NDST4: variants seen among roughly 807,000 people sequenced by gnomAD.
NDST4 encodes N-heparan sulfate sulfotransferase 4.
Under a neutral mutation model 100.8 loss-of-function variants are expected in NDST4, and 63 were observed. The observed-to-expected ratio is 0.62, with a 90% confidence interval of 0.51 to 0.77. The LOEUF (loss-of-function observed/expected upper bound fraction) is 0.77, where lower values mean the gene tolerates loss of function less well. Among genes scored for constraint, NDST4 ranks in the 30% least tolerant of loss-of-function variants. NDST4 has a pLI of 0.00. For missense variants in NDST4, 943 were observed against 1,018.4 expected (o/e 0.93, Z 1.01); for synonymous variants, 377 against 361.8 (o/e 1.04, Z -0.48).
intron 2 of NDST4, among the ~76,000 whole-genome samples, chr4:115,036,870 T>G (rs2126272282): frequency 6.6e-6 from 1 of 152,124 alleles, no homozygotes; most frequent in Non-Finnish European, 1.5e-5. Context: ...TCCTTCAAAC[T>G]TGTTTATTTT....
chr4:115,053,628 C>T lies in NDST4; in HGVS notation c.978+22431G>A, dbSNP rs139481078. On this transcript the variant is annotated intron_variant, in intron 2 of 13. Coordinates refer to ENST00000264363, the MANE Select transcript of NDST4 (RefSeq NM_022569.3). ...AAAACAATGCTCAAAGATATGACAACTTTCCTAGGAATGTAAAAATCTGTT... is the reference window on the plus strand; with the variant it reads ...AAAACAATGCTCAAAGATATGACAATTTTCCTAGGAATGTAAAAATCTGTT... Among the ~76,000 whole-genome samples the T allele has an allele frequency of 1.3e-3, 196 of 152,196 alleles. 1 individual carries two copies. Among genetic ancestry groups the T allele is most frequent in the African/African-American group, 4.4e-3 (184 of 41,524 alleles).
intron 4 of NDST4, among the ~76,000 whole-genome samples, chr4:114,959,250 C>T (rs996936951): frequency 1.3e-5 from 2 of 152,082 alleles, no homozygotes; most frequent in African/African-American, 4.8e-5. Context: ...CTGTTCCAAC[C>T]TCTGCCTGTT....
Position 115,016,379 on chromosome 4 carries a change from G to A in NDST4, c.979-39105C>T, listed in dbSNP as rs184957139. Among the ~76,000 whole-genome samples the A allele has an allele frequency of 5.0e-3, 759 of 152,172 alleles. 5 individuals carry two copies. Among genetic ancestry groups the A allele is most frequent in the Non-Finnish European group, 6.0e-3 (405 of 67,980 alleles). On this transcript the variant is annotated intron_variant, in intron 2 of 13. Transcript: ENST00000264363. ...TCATGGGTCCAGAAATCCAGAAGAG[G>A]AAGTAGGAATGACATCACTCAGTAT... is the stretch of plus-strand genomic sequence containing the variant.
At chr4:114,828,959 A>C (rs1723139105) in intron 13 of NDST4, among the ~76,000 whole-genome samples, 1 of 152,110 alleles carries the variant, frequency 6.6e-6, no homozygotes, top group Non-Finnish European at 1.5e-5. Context: ...CCAGATTGTA[A>C]ACACTTCACA....
intron 4 of NDST4, 96 bp from the exon 5 acceptor site, chr4:114,937,599 T>C: frequency 1.0e-6 from 1 of 959,516 alleles, no homozygotes; most frequent in Non-Finnish European, 1.5e-6. Context: ...CATTGAACTC[T>C]ATGCTAAATA....
At chr4:115,079,148 G>T (rs571872033) in intron 1 of NDST4, among the ~76,000 whole-genome samples, 11 of 151,948 alleles carry the variant, frequency 7.2e-5, no homozygotes, top group African/African-American at 2.7e-4. Context: ...TCATGAGATC[G>T]ATACCATCCT....
chr4:114,845,240 G>A (rs1399675244), intron 10 of NDST4, among the ~76,000 whole-genome samples: 3 of 152,148 alleles, frequency 2.0e-5, no homozygotes, highest in African/African-American at 7.2e-5. Context: ...GCTGAGGCAG[G>A]AGGATAACTT....
chr4:114,895,497 C>T (rs1440953706), intron 6 of NDST4, among the ~76,000 whole-genome samples: 1 of 152,084 alleles, frequency 6.6e-6, no homozygotes, highest in Non-Finnish European at 1.5e-5. Flanking sequence ...TAATTAATAG[C>T]CTACCAACCA....
intron 7 of NDST4, among the ~76,000 whole-genome samples, chr4:114,854,146 C>G (rs1723739104): frequency 6.6e-6 from 1 of 152,186 alleles, no homozygotes; most frequent in African/African-American, 2.4e-5. Flanking sequence ...TGGTACCCAT[C>G]ATTGTATCAT....
chr4:114,850,317 G>A lies in NDST4; in HGVS notation c.1817-1979C>T, dbSNP rs185891558. 2.6e-5 allele frequency among the ~76,000 whole-genome samples: 4 copies of A among 152,210 alleles called. No homozygotes were observed. In the East Asian group the frequency reaches 7.7e-4, roughly 29 times the overall value. ...CCCGATCTCCCCTGGCCTACAGAAA[G>A]CCAAAGCCTTTATGTTCTGCACACA... On this transcript the variant is annotated intron_variant, in intron 8 of 13. Coordinates refer to ENST00000264363, the MANE Select transcript of NDST4 (RefSeq NM_022569.3).
At chr4:114,829,749 A>C (rs747020389) in intron 13 of NDST4, 41 bp downstream of exon 13, 4 of 1,477,084 alleles carry the variant, frequency 2.7e-6, no homozygotes, top group Non-Finnish European at 3.7e-6. Flanking sequence ...CTGTTTGCAA[A>C]TATTTTTGCT....
chr4:115,031,932 T>C (rs920833233), intron 2 of NDST4, among the ~76,000 whole-genome samples: 4 of 152,020 alleles, frequency 2.6e-5, no homozygotes, highest in African/African-American at 7.2e-5. Context: ...AGCTTAATGT[T>C]TACTGTGGCT....
intron 3 of NDST4, among the ~76,000 whole-genome samples, chr4:114,971,467 G>A (rs920661559): frequency 6.6e-6 from 1 of 151,930 alleles, no homozygotes; most frequent in African/African-American, 2.4e-5. Flanking sequence ...CAAATGAAAT[G>A]ATAGAGTTTT....
intron 2 of NDST4, among the ~76,000 whole-genome samples, chr4:115,024,437 C>A (rs980424990): frequency 1.2e-4 from 18 of 145,280 alleles, no homozygotes; most frequent in African/African-American, 5.2e-4. Flanking sequence ...AGATTTATAA[C>A]TGATTTTTTT....
rs1729187883 is a variant in NDST4, at chr4:115,076,548, A to C, written c.489T>G (p.Gly163=). The C allele has an allele frequency of 6.2e-7, 1 of 1,613,886 alleles. No homozygotes were observed. The highest frequency in any genetic ancestry group is 2.2e-5 in the East Asian group (1 of 44,802). ...AGCTGTTCTCATTGGCTTTATGAAA[A>C]CCGATTATACTAACACTGTATTCCA... ...YCVEYSVSII[G]FHKANENSLP... Residue 163 remains glycine, a synonymous_variant, in exon 2 of 14, where the codon GGT becomes GGG. Coordinates refer to ENST00000264363, the MANE Select transcript of NDST4 (RefSeq NM_022569.3).
At chr4:114,911,080 CAAAA>C (rs1725051789) in intron 6 of NDST4, among the ~76,000 whole-genome samples, 1 of 152,138 alleles carries the variant, frequency 6.6e-6, no homozygotes, top group Non-Finnish European at 1.5e-5. Flanking sequence ...GATCCCTAGT[CAAAA>C]ACCTTCCAGT....
At chr4:114,860,494 C>A (rs74341528) in intron 7 of NDST4, among the ~76,000 whole-genome samples, 4,030 of 152,170 alleles carry the variant, frequency 0.026, 185 homozygotes, top group South Asian at 0.18. Context: ...TATGAAGTAT[C>A]CTCAAAAATA....
intron 4 of NDST4, among the ~76,000 whole-genome samples, chr4:114,962,889 A>G (rs910201335): frequency 3.3e-5 from 5 of 152,120 alleles, no homozygotes; most frequent in Admixed American, 2.0e-4. Context: ...CACGCCCACT[A>G]GAATGACTAT....
At chr4:114,850,867 A>C (rs553920951) in intron 8 of NDST4, among the ~76,000 whole-genome samples, 1 of 152,316 alleles carries the variant, frequency 6.6e-6, no homozygotes, top group African/African-American at 2.4e-5. Flanking sequence ...ATATCTGTTC[A>C]AAGGCTCACA....
Sources: allele counts gnomAD v4.1 joint callset (sites outside exome capture counted in the v4.1 genomes callset), GRCh38; gene constraint gnomAD v4.1.1; transcripts MANE v1.5; gene names NCBI Gene and HGNC (gene_info 2026-07-23, HGNC 2026-07-21).